THBS2: variants seen among roughly 807,000 people sequenced by gnomAD.
The protein encoded by THBS2 is thrombospondin-2.
In THBS2, 47 loss-of-function variants were observed where a neutral mutation model predicts 135.2. That is an observed-to-expected ratio of 0.35 (90% CI 0.28 to 0.44). The LOEUF is 0.44. Ranked by LOEUF, THBS2 falls within the 20% of genes least tolerant of loss-of-function variation. THBS2 has a pLI of 1.00. For synonymous variants in THBS2, 639 were observed against 633.8 expected (o/e 1.01, Z -0.12); for missense variants, 1,288 against 1,603.1 (o/e 0.80, Z 3.36).
chr6:169,224,802 TAC>T (rs1779560142), intron 17 of THBS2, among the ~76,000 whole-genome samples: 1 of 152,194 alleles, frequency 6.6e-6, no homozygotes, highest in Non-Finnish European at 1.5e-5. Flanking sequence ...CCTGGCCCCA[TAC>T]ACCAAATTCC....
chr6:169,218,228 T>A (rs111069635), intron 21 of THBS2, among the ~76,000 whole-genome samples: 7 of 55,766 alleles, frequency 1.3e-4, no homozygotes, highest in Admixed American at 6.9e-4. Flanking sequence ...GATGAGATGG[T>A]TGGGTGGCTG....
chr6:169,247,780 G>T (rs1011119605), intron 3 of THBS2, among the ~76,000 whole-genome samples: 2 of 150,366 alleles, frequency 1.3e-5, no homozygotes, highest in Admixed American at 1.3e-4. Flanking sequence ...TGCATGTGTG[G>T]TATGTGCACA....
In THBS2 at chr6:169,216,256, C is replaced by G. The variant is rs143959285; in HGVS notation, c.*1566G>C. The stretch of plus-strand genomic sequence containing the variant: ...ATTAAGACTAAAGTTATGGATTGTT[C>G]CTGTTTGGCATAGAAATGTGATGAC... On this transcript the variant is annotated 3_prime_UTR_variant, in exon 22 of 22. Coordinates refer to ENST00000617924, the MANE Select transcript of THBS2 (RefSeq NM_003247.5). The G allele has an allele frequency of 2.2e-3, 331 of 152,258 alleles. No individual in the cohort carries two copies. Among genetic ancestry groups the G allele is most frequent in the African/African-American group, 7.7e-3 (320 of 41,546 alleles). The allele number at this position is 152,258 out of a possible 1,614,324, so 9.4% of individuals were successfully genotyped here.
At chr6:169,219,287 ATAGT>A (rs1309963032) in intron 21 of THBS2, among the ~76,000 whole-genome samples, 25 of 115,864 alleles carry the variant, frequency 2.2e-4, no homozygotes, top group South Asian at 6.4e-4. Context: ...GATGGATGAG[ATAGT>A]TGGGTGGATG....
In THBS2 at chr6:169,221,444, C is replaced by A; in HGVS notation, c.3357G>T (p.Lys1119Asn). The change falls in exon 20 of 22, where the codon AAG becomes AAT. Residue 1119 changes from lysine to asparagine, a missense_variant. Physicochemically the swap from Lys to Asn is moderately conservative, Grantham distance 94. Around this residue, in one of 2 missense-constraint regions of THBS2, gnomAD observed 874 missense variants for 1,156.1 expected, o/e 0.76. Transcript: ENST00000617924. ...CCTGCCCTCACCTGATGTAGCCAGT[C>A]TTGGGCCTGTGAGTCAGGTGCCACC... Reference protein sequence around the residue: ...AYRWHLTHRPKTGYIRVLVHE... With the variant: ...AYRWHLTHRPNTGYIRVLVHE... 1.2e-6 allele frequency: 2 copies of A among 1,614,002 alleles called. No individual in the cohort carries two copies. The highest frequency in any genetic ancestry group is 8.5e-7 in the Non-Finnish European group (1 of 1,180,014).
Position 169,248,546 on chromosome 6 carries a change from G to A in THBS2, c.480C>T (p.Thr160=). 1 of 1,614,016 alleles carries A rather than the reference G, an allele frequency of 6.2e-7. No homozygotes were observed. The highest frequency in any genetic ancestry group is 8.5e-7 in the Non-Finnish European group (1 of 1,180,040). The change falls in exon 3 of 22, where the codon ACC becomes ACT. Residue 160 remains threonine, a synonymous_variant. Transcript: ENST00000617924. Reference sequence around the variant, plus strand: ...GGTCGCAGCCCACGTGCAAGCTGTAGGTCTCGCCAGCCACCTGCACGGTGA... The same window carrying A: ...GGTCGCAGCCCACGTGCAAGCTGTAAGTCTCGCCAGCCACCTGCACGGTGA... ...KNVTVQVAGE[T]YSLHVGCDLI... is the part of the protein sequence containing the mutation.
chr6:169,244,940 C>A (rs911016331), intron 4 of THBS2, among the ~76,000 whole-genome samples: 15 of 152,222 alleles, frequency 9.9e-5, no homozygotes, highest in Admixed American at 9.8e-4. Context: ...AGGACCCGGA[C>A]CTGCAAAGTG....
rs768623200 is a variant in THBS2, at chr6:169,250,804, C to G, written c.-20G>C. On this transcript the variant is annotated splice_region_variant and 5_prime_UTR_variant, in exon 2 of 22. Transcript: ENST00000617924. ...GACCATCCTGCCTCCTGCAGCTGAGCTCCTGGGAATACAGGAAACCCTTGT... is the reference window on the plus strand; with the variant it reads ...GACCATCCTGCCTCCTGCAGCTGAGGTCCTGGGAATACAGGAAACCCTTGT... 6.2e-7 allele frequency: 1 copy of G among 1,611,552 alleles called. No individual in the cohort carries two copies. Among genetic ancestry groups the G allele is most frequent in the East Asian group, 2.2e-5 (1 of 44,850 alleles).
chr6:169,239,441 G>A, intron 7 of THBS2, 158 bp downstream of exon 7: 1 of 665,660 alleles, frequency 1.5e-6, no homozygotes, highest in Non-Finnish European at 2.5e-6. Flanking sequence ...AGTCCTCAGT[G>A]GATGACCAGT....
chr6:169,236,796 A>C (rs1193581911), intron 9 of THBS2, among the ~76,000 whole-genome samples: 2 of 103,736 alleles, frequency 1.9e-5, no homozygotes, highest in East Asian at 2.8e-4. Flanking sequence ...TCCCGTCCGC[A>C]CTCACTCCCA....
intron 3 of THBS2, among the ~76,000 whole-genome samples, chr6:169,247,833 G>A (rs905713808): frequency 6.6e-6 from 1 of 151,806 alleles, no homozygotes; most frequent in South Asian, 2.1e-4. Flanking sequence ...ATTTGTGTAT[G>A]TGCATGGGTG....
At position 169,241,915 on chromosome 6, in the gene THBS2, C is replaced by G. The variant is rs754237482; in HGVS notation, c.738G>C (p.Leu246=). 7 of 1,611,772 alleles carry G rather than the reference C, an allele frequency of 4.3e-6. No individual in the cohort carries two copies. The South Asian group carries it at 4.4e-5, about 10-fold the overall frequency. The part of the protein sequence containing the change: ...AISENTETLR[L]GPHVTTEYVG... ...CGTACTCGGTGGTGACATGCGGACC[C>G]AGGCGCAGCGTCTCTGTGTTCTCAC... Residue 246 remains leucine, a synonymous_variant, in exon 5 of 22, where the codon CTG becomes CTC. Coordinates refer to ENST00000617924, the MANE Select transcript of THBS2 (RefSeq NM_003247.5). This position sits in a 1 kb window ranked among gnomAD's most constrained non-coding sequence, Gnocchi z 5.5.
intron 7 of THBS2, among the ~76,000 whole-genome samples, chr6:169,238,168 C>T (rs1321968937): frequency 6.6e-6 from 1 of 152,164 alleles, no homozygotes; most frequent in Non-Finnish European, 1.5e-5. Context: ...ATTAAAGTTA[C>T]AAAAATGTAA....
chr6:169,238,506 CCTT>C (rs553216530), intron 7 of THBS2, among the ~76,000 whole-genome samples: 1 of 152,150 alleles, frequency 6.6e-6, no homozygotes, highest in Admixed American at 6.5e-5. Flanking sequence ...TAAAATGTCT[CCTT>C]CTAGTCTAAT....
intron 15 of THBS2, among the ~76,000 whole-genome samples, chr6:169,227,397 C>G (rs1338216180): frequency 6.6e-6 from 1 of 152,212 alleles, no homozygotes; most frequent in Non-Finnish European, 1.5e-5. Context: ...CCGGATAAAG[C>G]AGCAACCGGG....
chr6:169,235,068 C>T (rs143021588), intron 9 of THBS2, among the ~76,000 whole-genome samples, 161 bp from the exon 10 acceptor site: 4 of 152,302 alleles, frequency 2.6e-5, no homozygotes, highest in East Asian at 1.9e-4. Context: ...AGAGCGTGAT[C>T]GCACCACTAC....
In THBS2 at chr6:169,228,254, G is replaced by A. The variant is rs778993260; in HGVS notation, c.2287C>T (p.Arg763Cys). The change falls in exon 15 of 22, where the codon CGC becomes TGC. Residue 763 changes from arginine (R) to cysteine (C), a missense_variant. Arg to Cys is a radical substitution (Grantham distance 180). This residue lies in a region of THBS2 where 874 missense variants were observed against 1,156.1 expected (regional missense o/e 0.76). Coordinates refer to ENST00000617924, the MANE Select transcript of THBS2 (RefSeq NM_003247.5). The stretch of plus-strand genomic sequence containing the variant: ...TCATCCTTGTCATAGTCAGCCTGGC[G>A]GGGATTGAAGAGGAGCTGGCAGTTG... ...KDNCQLLFNP[R>C]QADYDKDEVG... 13 of 1,614,154 alleles carry A rather than the reference G, an allele frequency of 8.1e-6. No homozygotes were observed. The highest frequency in any genetic ancestry group is 3.3e-5 in the Admixed American group (2 of 60,014).
At chr6:169,237,108 G>C in intron 9 of THBS2, 62 bp downstream of exon 9, 4 of 1,536,918 alleles carry the variant, frequency 2.6e-6, no homozygotes, top group Non-Finnish European at 1.7e-6. Flanking sequence ...TCCAGCTGTG[G>C]CTGCTCACTG....
rs541046148 is a variant in THBS2 at position 169,226,924 on chromosome 6, G to A, written c.2420-626C>T. On this transcript the variant is annotated intron_variant, in intron 15 of 21. Transcript: ENST00000617924. Reference sequence around the variant, plus strand: ...GCCTTGCTTTGGTCAGGTGAGGTCTGGAGAAGGGAAGTAAGGAACACCTAA... The same window carrying A: ...GCCTTGCTTTGGTCAGGTGAGGTCTAGAGAAGGGAAGTAAGGAACACCTAA... 4.6e-5 allele frequency among the ~76,000 whole-genome samples: 7 copies of A among 152,294 alleles called. No homozygotes were observed. The East Asian group carries it at 1.2e-3, about 25-fold the overall frequency.
Sources: allele counts gnomAD v4.1 joint callset (sites outside exome capture counted in the v4.1 genomes callset), GRCh38; gene constraint gnomAD v4.1.1; regional missense constraint gnomAD v4.1.1; non-coding constraint Gnocchi (gnomAD v3.1); transcripts MANE v1.5; gene names NCBI Gene and HGNC (gene_info 2026-07-23, HGNC 2026-07-21).